RTN3: variants seen among roughly 807,000 people sequenced by gnomAD.
The protein encoded by RTN3 is reticulon 3.
A neutral mutation model predicts 77.8 loss-of-function variants in RTN3; 49 were observed. The observed-to-expected ratio is 0.63, with a 90% CI of 0.50 to 0.80. The LOEUF (loss-of-function observed/expected upper bound fraction) is 0.80, where lower values mean the gene tolerates loss of function less well. RTN3 is among the 30% of genes least tolerant of loss of function. RTN3 has a pLI of 0.00. For missense variants in RTN3, 1,236 were observed against 1,211.9 expected (o/e 1.02, Z -0.29); for synonymous variants, 464 against 446.9 (o/e 1.04, Z -0.48).
intron 3 of RTN3, among the ~76,000 whole-genome samples, chr11:63,749,064 T>C (rs1284620761): frequency 6.6e-6 from 1 of 152,094 alleles, no homozygotes; most frequent in Non-Finnish European, 1.5e-5. Context: ...GGAAGATTGC[T>C]TGAAGCCAGG....
At chr11:63,724,484 CTTT>C (rs34237318) in intron 3 of RTN3, among the ~76,000 whole-genome samples, 3 of 81,796 alleles carry the variant, frequency 3.7e-5, no homozygotes, top group Admixed American at 1.5e-4. Flanking sequence ...GTGCCCGGCC[CTTT>C]TTTTTTTTTT....
chr11:63,741,319 C>T (rs988161573), intron 3 of RTN3, among the ~76,000 whole-genome samples: 1 of 151,574 alleles, frequency 6.6e-6, no homozygotes, highest in Non-Finnish European at 1.5e-5. Context: ...TCTTGTGCCT[C>T]AGCCTCCTGA....
intron 4 of RTN3, chr11:63,750,475 C>T (rs1426877859): frequency 2.5e-5 from 9 of 356,720 alleles, no homozygotes; most frequent in Non-Finnish European, 2.6e-5. Context: ...TTTTTTGAGA[C>T]GGATATTGCT....
At chr11:63,756,004 TG>T in intron 7 of RTN3, 107 bp from the exon 8 acceptor site, 1 of 737,744 alleles carries the variant, frequency 1.4e-6, no homozygotes, top group Non-Finnish European at 2.4e-6. Context: ...TTTTCTACAC[TG>T]GTCAGTCGTG....
intron 3 of RTN3, among the ~76,000 whole-genome samples, chr11:63,732,102 C>A (rs1451623420): frequency 2.0e-5 from 3 of 151,872 alleles, no homozygotes; most frequent in Non-Finnish European, 4.4e-5. Flanking sequence ...AATAAAAAAA[C>A]AAACAATAGA....
rs1590831549 is a variant in RTN3, at chr11:63,719,061, C to T, written c.559C>T (p.Pro187Ser). ...EEQIDKETKNPNGVSSREAKT... is the reference protein window; with the variant it reads ...EEQIDKETKNSNGVSSREAKT... ...GCAAATAGATAAAGAGACCAAGAAC[C>T]CAAATGGGGTATCAAGTAGGGAGGC... is the stretch of plus-strand genomic sequence containing the variant. Residue 187 changes from proline (P) to serine (S), a missense_variant, in exon 3 of 9, where the codon CCA becomes TCA. Transcript: ENST00000377819. 6.2e-7 allele frequency: 1 copy of T among 1,614,048 alleles called. No individual in the cohort carries two copies. The highest frequency in any genetic ancestry group is 2.2e-5 in the East Asian group (1 of 44,880).
intron 1 of RTN3, among the ~76,000 whole-genome samples, chr11:63,703,297 T>G (rs1013239864): frequency 2.0e-5 from 3 of 152,102 alleles, no homozygotes; most frequent in Non-Finnish European, 2.9e-5. Flanking sequence ...TGGTGGGGGG[T>G]GGTGGTTTTA....
chr11:63,689,445 A>G (rs1941542118), intron 1 of RTN3, among the ~76,000 whole-genome samples: 1 of 152,180 alleles, frequency 6.6e-6, no homozygotes, highest in Non-Finnish European at 1.5e-5. Flanking sequence ...TTGTGATTGC[A>G]TCATTGAAGT....
At chr11:63,744,768 G>A (rs2013698426) in intron 3 of RTN3, among the ~76,000 whole-genome samples, 1 of 152,180 alleles carries the variant, frequency 6.6e-6, no homozygotes, top group Non-Finnish European at 1.5e-5. Context: ...AAGGCCAGTG[G>A]ATTGCTTGAG....
intron 3 of RTN3, among the ~76,000 whole-genome samples, chr11:63,723,703 CA>C (rs1270287618): frequency 6.6e-6 from 1 of 152,192 alleles, no homozygotes; most frequent in Non-Finnish European, 1.5e-5. Context: ...CTGGGATTTA[CA>C]GGCCTGAGCC....
chr11:63,729,357 A>C (rs1467539319), intron 3 of RTN3, among the ~76,000 whole-genome samples: 2 of 150,322 alleles, frequency 1.3e-5, no homozygotes, highest in Non-Finnish European at 3.0e-5. Context: ...ACGTGTATAG[A>C]GGTTATGATG....
intron 3 of RTN3, among the ~76,000 whole-genome samples, chr11:63,730,507 C>T (rs921706008): frequency 6.6e-6 from 1 of 152,234 alleles, no homozygotes; most frequent in African/African-American, 2.4e-5. Flanking sequence ...ACAGAATTGG[C>T]TGGGCAATGG....
chr11:63,737,174 G>A lies in RTN3; in HGVS notation c.2531-12817G>A, dbSNP rs145495847. Among the ~76,000 whole-genome samples the A allele has an allele frequency of 8.0e-3, 1,217 of 152,144 alleles. 15 individuals carry two copies. Among genetic ancestry groups the A allele is most frequent in the African/African-American group, 0.027 (1,117 of 41,476 alleles). On this transcript the variant is annotated intron_variant, in intron 3 of 8. Coordinates refer to ENST00000377819, the MANE Select transcript of RTN3 (RefSeq NM_001265589.2). ...GCCTGCCACAATTCTAACTTCACAT[G>A]ATGTGCAGAAATTAAAATGAATTAG...
chr11:63,719,611 A>G lies in RTN3; in HGVS notation c.1109A>G (p.Tyr370Cys). 1.2e-6 allele frequency: 2 copies of G among 1,613,866 alleles called. No homozygotes were observed. Among genetic ancestry groups the G allele is most frequent in the East Asian group, 2.2e-5 (1 of 44,888 alleles). Residue 370 changes from tyrosine (Y) to cysteine (C), a missense_variant, in exon 3 of 9, where the codon TAT (tyrosine) becomes TGT (cysteine). Tyr to Cys is a radical substitution (Grantham distance 194). Around this residue, in one of 3 missense-constraint regions of RTN3, gnomAD observed 1,056 missense variants for 990.4 expected, o/e 1.07. Coordinates refer to ENST00000377819, the MANE Select transcript of RTN3 (RefSeq NM_001265589.2). ...ACTACAGGACTTGACATGAGTGAAT[A>G]TAATTCAGAAATTCCAGTTGTAAAT... ...TKTTGLDMSE[Y>C]NSEIPVVNLK...
intron 1 of RTN3, among the ~76,000 whole-genome samples, chr11:63,696,488 G>A (rs1941945422): frequency 6.6e-6 from 1 of 151,852 alleles, no homozygotes; most frequent in Non-Finnish European, 1.5e-5. Flanking sequence ...TAGGAGGATG[G>A]CTTGAGCCCA....
At chr11:63,738,842 G>A (rs928168279) in intron 3 of RTN3, among the ~76,000 whole-genome samples, 1 of 151,978 alleles carries the variant, frequency 6.6e-6, no homozygotes, top group East Asian at 1.9e-4. Context: ...TAAAATTAAC[G>A]GGTGAGGAAT....
chr11:63,737,045 G>A lies in RTN3; in HGVS notation c.2531-12946G>A, dbSNP rs1034097555. Among the ~76,000 whole-genome samples, 10 of 149,512 alleles carry A rather than the reference G, an allele frequency of 6.7e-5. No homozygotes were observed. The East Asian group carries it at 1.6e-3, about 24-fold the overall frequency. ...GCCAGAGTGCAGTTTTGCAATCCTA[G>A]CTCACTGCTGCCTCCTGGGCTCAAG... On this transcript the variant is annotated intron_variant, in intron 3 of 8. Coordinates refer to ENST00000377819, the MANE Select transcript of RTN3 (RefSeq NM_001265589.2).
intron 3 of RTN3, among the ~76,000 whole-genome samples, chr11:63,739,603 A>C (rs1209603112): frequency 6.6e-6 from 1 of 152,202 alleles, no homozygotes; most frequent in Non-Finnish European, 1.5e-5. Context: ...ACATAACCAG[A>C]ATCAAGCAAT....
chr11:63,720,692 T>C lies in RTN3; in HGVS notation c.2190T>C (p.Gly730=), dbSNP rs1461813111. Residue 730 remains glycine (G), a synonymous_variant, in exon 3 of 9, where the codon GGT becomes GGC. Transcript: ENST00000377819. ...CTCTAGGTGTTTTCCCTACCCAAGG[T>C]ACTCCAGTAGCATCTCTTGACTTAG... The part of the protein sequence containing the change: ...SEPLGVFPTQ[G]TPVASLDLEQ... 6.2e-7 allele frequency: 1 copy of C among 1,614,012 alleles called. No individual in the cohort carries two copies. Among genetic ancestry groups the C allele is most frequent in the African/African-American group, 1.3e-5 (1 of 74,924 alleles).
Sources: allele counts gnomAD v4.1 joint callset (sites outside exome capture counted in the v4.1 genomes callset), GRCh38; gene constraint gnomAD v4.1.1; regional missense constraint gnomAD v4.1.1; transcripts MANE v1.5; gene names NCBI Gene and HGNC (gene_info 2026-07-23, HGNC 2026-07-21).